Variants in CRCP observed in about 807,000 individuals in gnomAD.
The protein encoded by CRCP is DNA-directed RNA polymerase III subunit RPC9.
In CRCP, 18 loss-of-function variants were observed where a neutral mutation model predicts 18.5. That is an observed-to-expected ratio of 0.97 (90% CI 0.67 to 1.44). CRCP has a LOEUF of 1.44. Ranked by LOEUF, CRCP falls within the 40% of genes most tolerant of loss-of-function variation. The pLI is 0.00. For synonymous variants in CRCP, 53 were observed against 62.9 expected, an observed-to-expected ratio of 0.84 and a Z score of 0.75; for missense variants, 130 against 176.4, an observed-to-expected ratio of 0.74 and a Z score of 1.49.
intron 3 of CRCP, among the ~76,000 whole-genome samples, chr7:66,133,541 CAAAA>C (rs67165211): frequency 2.8e-5 from 2 of 71,796 alleles, no homozygotes; most frequent in Non-Finnish European, 3.1e-5. Flanking sequence ...GACTCCGTCT[CAAAA>C]AAAAAAAAAA....
In CRCP at chr7:66,122,044, G is replaced by A. The variant is rs182837915; in HGVS notation, c.9-5660G>A. Among the ~76,000 whole-genome samples the A allele has an allele frequency of 9.1e-4, 138 of 152,210 alleles. 1 individual carries two copies. In the South Asian group the frequency reaches 0.013, roughly 14 times the overall value. On this transcript the variant is annotated intron_variant, in intron 1 of 5. Transcript: ENST00000395326. ...TAGGAGAATTTGAGCAATTATTTTC[G>A]TCATTGCCTGTGTAAGAGTTGACTG...
chr7:66,139,207 G>A (rs1788062734), intron 4 of CRCP, among the ~76,000 whole-genome samples: 1 of 152,168 alleles, frequency 6.6e-6, no homozygotes, highest in Non-Finnish European at 1.5e-5. Context: ...CAGCCTCAGA[G>A]TCTAATGGGA....
rs1265710008 is a variant in CRCP, at chr7:66,114,970, T to C, written c.8T>C (p.Val3Ala). 1 of 1,609,916 alleles carries C rather than the reference T, an allele frequency of 6.2e-7. No individual in the cohort carries two copies. Among genetic ancestry groups the C allele is most frequent in the Admixed American group, 1.7e-5 (1 of 59,852 alleles). The change falls in exon 1 of 6, where the codon GTG (valine) becomes GCG (alanine). Residue 3 changes from valine to alanine, a missense_variant and splice_region_variant. Coordinates refer to ENST00000395326, the MANE Select transcript of CRCP (RefSeq NM_014478.5). ME[V>A]KDANSALLSN... ...GCGACGAGGCGGGACGTCATGGAAG[T>C]GTAAGTCTTCTCGGGCGCGTCCCTT...
At chr7:66,118,359 C>T (rs1787336682) in intron 1 of CRCP, among the ~76,000 whole-genome samples, 1 of 152,190 alleles carries the variant, frequency 6.6e-6, no homozygotes, top group South Asian at 2.1e-4. Flanking sequence ...TTTTGTCTTT[C>T]ATAGTACCTT....
intron 3 of CRCP, among the ~76,000 whole-genome samples, chr7:66,133,483 G>A (rs1339555351): frequency 6.6e-6 from 1 of 151,204 alleles, no homozygotes; most frequent in Non-Finnish European, 1.5e-5. Flanking sequence ...ACTCCAGCCT[G>A]CAGTGAGCCG....
chr7:66,134,391 A>C lies in CRCP; in HGVS notation c.239+17A>C, dbSNP rs1229955869. 6.6e-7 allele frequency: 1 copy of C among 1,518,784 alleles called. No homozygotes were observed. The allele number at this position is 1,518,784 out of a possible 1,614,324, so 94.1% of individuals were successfully genotyped here. A position where few individuals can be genotyped will look rare whatever the true frequency, so the allele number is the denominator to read the frequency against. Reference sequence around the variant, plus strand: ...GTTGACCAAGTAAGTAAATCTCTTAAGTAGGAAGAGCGTGACACATGGTGA... The same window carrying C: ...GTTGACCAAGTAAGTAAATCTCTTACGTAGGAAGAGCGTGACACATGGTGA... On this transcript the variant is annotated intron_variant, in intron 4 of 5. Coordinates refer to ENST00000395326, the MANE Select transcript of CRCP (RefSeq NM_014478.5).
At chr7:66,119,629 T>C (rs1421601600) in intron 1 of CRCP, 1 of 152,200 alleles carries the variant, frequency 6.6e-6, no homozygotes, top group East Asian at 1.9e-4. Flanking sequence ...ATTGATTGCT[T>C]GTTTATTGGT....
chr7:66,141,258 CAATTA>C (rs942660626), intron 4 of CRCP, among the ~76,000 whole-genome samples: 11 of 152,236 alleles, frequency 7.2e-5, no homozygotes, highest in Admixed American at 7.2e-4. Context: ...TTTAAATGTA[CAATTA>C]AATTATTGTT....
intron 1 of CRCP, among the ~76,000 whole-genome samples, chr7:66,123,880 G>A (rs1787528909): frequency 6.7e-6 from 1 of 148,500 alleles, no homozygotes; most frequent in Non-Finnish European, 1.5e-5. Flanking sequence ...GTGAAATCCC[G>A]TCTGTACTAA....
chr7:66,141,335 A>G (rs1788131401), intron 4 of CRCP, among the ~76,000 whole-genome samples: 1 of 151,648 alleles, frequency 6.6e-6, no homozygotes. Context: ...CTATTTTTTC[A>G]TAGTCATTAA....
At chr7:66,116,708 T>A (rs1179688750) in intron 1 of CRCP, among the ~76,000 whole-genome samples, 1 of 152,116 alleles carries the variant, frequency 6.6e-6, no homozygotes, top group Non-Finnish European at 1.5e-5. Flanking sequence ...TGTCCCCCTC[T>A]TACTCCATTT....
intron 5 of CRCP, among the ~76,000 whole-genome samples, chr7:66,151,244 T>C (rs1788447528): frequency 6.6e-6 from 1 of 152,200 alleles, no homozygotes; most frequent in Admixed American, 6.6e-5. Flanking sequence ...ATAGTGGGCA[T>C]CATCAACCGT....
intron 3 of CRCP, 108 bp downstream of exon 3, chr7:66,130,950 A>T (rs1328539799): frequency 5.7e-6 from 4 of 698,736 alleles, no homozygotes; most frequent in Non-Finnish European, 1.0e-5. Context: ...TATGATCTGA[A>T]TGTTTTATTC....
intron 4 of CRCP, among the ~76,000 whole-genome samples, chr7:66,137,509 C>A (rs1254582931): frequency 1.3e-5 from 2 of 152,216 alleles, no homozygotes; most frequent in Non-Finnish European, 2.9e-5. Flanking sequence ...TGAGAGCAGA[C>A]ATCCTCATCT....
chr7:66,134,810 C>T (rs916326160), intron 4 of CRCP, among the ~76,000 whole-genome samples: 6 of 152,112 alleles, frequency 3.9e-5, no homozygotes, highest in African/African-American at 1.4e-4. Flanking sequence ...AGCTTGGAAT[C>T]GGGGAACCTG....
chr7:66,124,044 CAAAAAAAAAAAAAAAAAAA>C (rs57502731), intron 1 of CRCP, among the ~76,000 whole-genome samples: 12 of 13,522 alleles, frequency 8.9e-4, no homozygotes, highest in East Asian at 4.2e-3. Flanking sequence ...GACTCCGTCT[CAAAAAAAAAAAAAAAAAAA>C]AAAAAAAAAA....
intron 2 of CRCP, among the ~76,000 whole-genome samples, chr7:66,128,902 G>A (rs1428927904): frequency 6.6e-6 from 1 of 152,064 alleles, no homozygotes; most frequent in Non-Finnish European, 1.5e-5. Context: ...GACTCAGGAG[G>A]TCTAGAAGGT....
At chr7:66,123,032 G>GT (rs1787497440) in intron 1 of CRCP, among the ~76,000 whole-genome samples, 6 of 149,034 alleles carry the variant, frequency 4.0e-5, no homozygotes, top group Middle Eastern at 3.5e-3. Flanking sequence ...TCGGCACACT[G>GT]TAAGCTCCGC....
chr7:66,148,810 G>T (rs1400900949), intron 5 of CRCP, among the ~76,000 whole-genome samples: 1 of 152,214 alleles, frequency 6.6e-6, no homozygotes, highest in African/African-American at 2.4e-5. Flanking sequence ...CATATAGAGC[G>T]TTATTGCTTG....
Sources: allele counts gnomAD v4.1 joint callset (sites outside exome capture counted in the v4.1 genomes callset), GRCh38; gene constraint gnomAD v4.1.1; transcripts MANE v1.5; gene names NCBI Gene and HGNC (gene_info 2026-07-23, HGNC 2026-07-21).